The following BRF1 variants were observed in gnomAD, a reference collection of about 807,000 sequenced individuals.
BRF1 encodes the protein BRF1 general transcription factor IIIB subunit.
A neutral mutation model predicts 81.7 loss-of-function variants in BRF1; 59 were observed. The observed-to-expected ratio is 0.72, with a 90% CI of 0.59 to 0.90. The LOEUF is 0.90. Ranked by LOEUF, BRF1 falls within the 40% of genes least tolerant of loss-of-function variation. The probability of loss-of-function intolerance (pLI) is 0.00; values close to 1 mark genes in which losing one functional copy is unlikely to be tolerated. For synonymous variants in BRF1, 491 were observed against 395.6 expected, an observed-to-expected ratio of 1.24 and a Z score of -2.86; for missense variants, 1,050 against 936.3, an observed-to-expected ratio of 1.12 and a Z score of -1.58.
At chr14:105,212,589 A>G (rs1186289933) in intron 15 of BRF1, 1 of 174,592 alleles carries the variant, frequency 5.7e-6, no homozygotes, top group Non-Finnish European at 1.2e-5. Context: ...AACACCCTGC[A>G]CAGGGCCTGC....
chr14:105,225,098 T>C (rs944276411), intron 10 of BRF1, among the ~76,000 whole-genome samples: 1 of 152,138 alleles, frequency 6.6e-6, no homozygotes, highest in Admixed American at 6.5e-5. Flanking sequence ...TCCCGGGACA[T>C]GCACATTCCC....
chr14:105,291,144 G>GC (rs1223821038), intron 1 of BRF1, among the ~76,000 whole-genome samples: 1 of 152,152 alleles, frequency 6.6e-6, no homozygotes, highest in African/African-American at 2.4e-5. Flanking sequence ...GGCCAAGACT[G>GC]CCCCCCTGTG....
intron 1 of BRF1, among the ~76,000 whole-genome samples, chr14:105,292,578 G>A (rs587717232): frequency 7.6e-4 from 116 of 152,308 alleles, no homozygotes; most frequent in Non-Finnish European, 1.2e-3. Flanking sequence ...TGGATGGAGA[G>A]GAATTCAGGG....
chr14:105,243,767 G>A (rs1206331166), intron 5 of BRF1, among the ~76,000 whole-genome samples: 9 of 151,792 alleles, frequency 5.9e-5, no homozygotes, highest in Admixed American at 4.6e-4. Flanking sequence ...AGGCCGAGGA[G>A]GGTGGATCAC....
At position 105,209,391 on chromosome 14, in the gene BRF1, G is replaced by A; in HGVS notation, c.*1160C>T. Reference sequence around the variant, plus strand: ...CAGGCTGGCTACTGAGCTCTGGGCGGGGGTAGGGGGGTCTGGCCTGCTGCG... The same window carrying A: ...CAGGCTGGCTACTGAGCTCTGGGCGAGGGTAGGGGGGTCTGGCCTGCTGCG... On this transcript the variant is annotated 3_prime_UTR_variant, in exon 18 of 18. Coordinates refer to ENST00000547530, the MANE Select transcript of BRF1 (RefSeq NM_001519.4). 2 of 636,726 alleles carry A rather than the reference G, an allele frequency of 3.1e-6. No individual in the cohort carries two copies. Among genetic ancestry groups the A allele is most frequent in the Non-Finnish European group, 5.7e-6 (2 of 349,298 alleles). The allele number at this position is 636,726 out of a possible 1,614,324, so 39.4% of individuals were successfully genotyped here.
In BRF1 at chr14:105,272,769, C is replaced by T. The variant is rs201048924; in HGVS notation, c.391G>A (p.Val131Met). Residue 131 changes from valine to methionine, a missense_variant, in exon 3 of 18, where the codon GTG becomes ATG. Physicochemically the swap from Val to Met is conservative, Grantham distance 21 (BLOSUM62 1). This residue lies in a region of BRF1 where 1,043 missense variants were observed against 915.4 expected (regional missense o/e 1.14). Coordinates refer to ENST00000547530, the MANE Select transcript of BRF1 (RefSeq NM_001519.4). ...ACCAGGTAGAGGCAGGCAGCAATCACGTGGGCCATCTTCCGGCCGCGGGTC... is the reference window on the plus strand; with the variant it reads ...ACCAGGTAGAGGCAGGCAGCAATCATGTGGGCCATCTTCCGGCCGCGGGTC... ...HLTRGRKMAH[V>M]IAACLYLVCR... 5.9e-5 allele frequency: 95 copies of T among 1,613,922 alleles called. No homozygotes were observed. The East Asian group carries it at 1.5e-3, about 26-fold the overall frequency.
Position 105,221,907 on chromosome 14 carries a change from G to T in BRF1, c.1056C>A (p.Thr352=), listed in dbSNP as rs762856606. 1 of 1,590,886 alleles carries T rather than the reference G, an allele frequency of 6.3e-7. No individual in the cohort carries two copies. The highest frequency in any genetic ancestry group is 8.6e-7 in the Non-Finnish European group (1 of 1,169,288). The change falls in exon 11 of 18, where the codon ACC becomes ACA. Residue 352 remains threonine (T), a synonymous_variant. Transcript: ENST00000547530. ...CACACAAGCTGGACGCGGTGTCCTCGGTGGAGCCTAGGTGTACACAATCCA... is the reference window on the plus strand; with the variant it reads ...CACACAAGCTGGACGCGGTGTCCTCTGTGGAGCCTAGGTGTACACAATCCA... ...GLASLAKDGS[T]EDTASSLCGE...
At chr14:105,250,331 C>T in intron 5 of BRF1, 12 of 1,613,534 alleles carry the variant, frequency 7.4e-6, no homozygotes, top group Non-Finnish European at 1.0e-5. Flanking sequence ...TATTGCAGGG[C>T]TGGGCCTGTA....
intron 1 of BRF1, among the ~76,000 whole-genome samples, chr14:105,287,204 C>T (rs1323561032): frequency 2.0e-5 from 3 of 152,372 alleles, no homozygotes; most frequent in South Asian, 4.1e-4. Flanking sequence ...TAAGACCTGG[C>T]CCTGGTACCT....
intron 1 of BRF1, among the ~76,000 whole-genome samples, chr14:105,312,937 G>A (rs78592622): frequency 3.3e-5 from 5 of 152,152 alleles, no homozygotes; most frequent in African/African-American, 7.2e-5. Flanking sequence ...GTCATATCCC[G>A]ACCCCTGGCA....
rs960875604 is a variant in BRF1, at chr14:105,300,667, G to C, written c.-38C>G. The C allele has an allele frequency of 9.9e-5, 130 of 1,307,244 alleles. No individual in the cohort carries two copies. The highest frequency in any genetic ancestry group is 1.3e-4 in the East Asian group (4 of 31,614). The allele number at this position is 1,307,244 out of a possible 1,614,324, so 81.0% of individuals were successfully genotyped here. A position where few individuals can be genotyped will look rare whatever the true frequency, so the allele number is the denominator to read the frequency against. On this transcript the variant is annotated 5_prime_UTR_variant, in exon 1 of 18. Transcript: ENST00000547530. The stretch of plus-strand genomic sequence containing the variant: ...GCGGGCAGCGCCCGGAGCCTCCCAA[G>C]ACTCTCAAGCCACCCGAGCCTCCGG...
chr14:105,223,502 T>G (rs10400768), intron 10 of BRF1, among the ~76,000 whole-genome samples: 3 of 102,528 alleles, frequency 2.9e-5, no homozygotes, highest in African/African-American at 6.5e-5. Flanking sequence ...GAGCAAACCA[T>G]TGATGCGTGA....
chr14:105,228,130 C>G (rs928431137), intron 7 of BRF1: 1 of 152,182 alleles, frequency 6.6e-6, no homozygotes, highest in Non-Finnish European at 1.5e-5. Context: ...CTCACTGGGA[C>G]AGGGGTCACC....
chr14:105,228,593 G>A (rs587672373), intron 7 of BRF1, among the ~76,000 whole-genome samples: 26 of 151,920 alleles, frequency 1.7e-4, no homozygotes, highest in African/African-American at 5.5e-4. Flanking sequence ...GCCTCCGCAG[G>A]ATAGGGCCGG....
At chr14:105,306,218 ACACGCCTAGG>A (rs2058181915) in intron 1 of BRF1, among the ~76,000 whole-genome samples, 1 of 152,146 alleles carries the variant, frequency 6.6e-6, no homozygotes, top group African/African-American at 2.4e-5. Context: ...GTTTTGAAGG[ACACGCCTAGG>A]CACCTGCAAA....
chr14:105,293,741 G>A (rs988667151), intron 1 of BRF1, among the ~76,000 whole-genome samples: 27 of 152,290 alleles, frequency 1.8e-4, no homozygotes, highest in African/African-American at 6.0e-4. Flanking sequence ...CGGGTGCCCC[G>A]GGACGCTGGA....
At chr14:105,295,729 A>T (rs1207560493) in intron 1 of BRF1, among the ~76,000 whole-genome samples, 1 of 151,258 alleles carries the variant, frequency 6.6e-6, no homozygotes, top group Non-Finnish European at 1.5e-5. Flanking sequence ...GGCTGCAGTG[A>T]CCTGTGATCA....
chr14:105,250,196 A>C (rs923070087), intron 5 of BRF1: 3 of 1,612,846 alleles, frequency 1.9e-6, no homozygotes, highest in African/African-American at 2.7e-5. Context: ...CTTTCCCCTG[A>C]CCAAGAGGAA....
intron 15 of BRF1, 127 bp from the exon 16 acceptor site, chr14:105,212,291 G>C (rs991105333): frequency 4.8e-5 from 62 of 1,281,814 alleles, no homozygotes; most frequent in Non-Finnish European, 6.3e-5. Flanking sequence ...TGGAAGCCTG[G>C]TTCTGCGTCC....
Sources: allele counts gnomAD v4.1 joint callset (sites outside exome capture counted in the v4.1 genomes callset), GRCh38; gene constraint gnomAD v4.1.1; regional missense constraint gnomAD v4.1.1; transcripts MANE v1.5; gene names NCBI Gene and HGNC (gene_info 2026-07-23, HGNC 2026-07-21).